ZNF674: variants seen among roughly 807,000 people sequenced by gnomAD.
ZNF674 encodes zinc finger family member 674.
A neutral mutation model predicts 7.0 loss-of-function variants in ZNF674; 2 were observed. The ratio of observed to expected loss-of-function variants is 0.29; its 90% CI spans 0.12 to 0.90. ZNF674 has a LOEUF of 0.90. Ranked by LOEUF, ZNF674 falls within the 40% of genes least tolerant of loss-of-function variation. The probability of loss-of-function intolerance (pLI) is 0.57; values close to 1 mark genes in which losing one functional copy is unlikely to be tolerated. For missense variants in ZNF674, 297 were observed against 415.5 expected, an observed-to-expected ratio of 0.71 and a Z score of 2.48; for synonymous variants, 103 against 145.2, an observed-to-expected ratio of 0.71 and a Z score of 2.09.
chrX:46,527,930 AG>A (rs1942039031), intron 5 of ZNF674: 1 of 147,793 alleles, frequency 6.8e-6, no homozygotes, highest in Admixed American at 7.9e-5. Context: ...TCAGCCTGAA[AG>A]GGCCCACAGT....
chrX:46,543,109 C>T (rs1295419021), intron 2 of ZNF674, among the ~76,000 whole-genome samples: 1 of 110,836 alleles, frequency 9.0e-6, no homozygotes, highest in African/African-American at 3.3e-5. Context: ...CACCAACATG[C>T]CCAGCTAATT....
intron 3 of ZNF674, among the ~76,000 whole-genome samples, chrX:46,541,091 G>C (rs1332186305): frequency 6.7e-5 from 7 of 104,296 alleles, no homozygotes; most frequent in Admixed American, 4.2e-4. Flanking sequence ...GCCAGGCACG[G>C]TGGCTCACAC....
rs1408751060 is a variant in ZNF674 at position 46,500,607 on chromosome X, T to C, written c.967A>G (p.Lys323Glu). ...KSSYHLIRHEKTHIRQAFYKG... is the reference protein window; with the variant it reads ...KSSYHLIRHEETHIRQAFYKG... ...TAAAATGCTTGTCTAATGTGTGTTT[T>C]TTCATGTCTAATAAGATGATATGAA... Residue 323 changes from lysine to glutamate, a missense_variant, in exon 6 of 6, where the codon AAA (lysine) becomes GAA (glutamate). Physicochemically the swap from Lys to Glu is moderately conservative, Grantham distance 56. Coordinates refer to ENST00000683375, the MANE Select transcript of ZNF674 (RefSeq NM_001190417.2). 8.3e-6 allele frequency: 10 copies of C among 1,211,646 alleles called. No homozygotes were observed. In the East Asian group the frequency reaches 2.7e-4, roughly 32 times the overall value.
Position 46,543,734 on chromosome X carries a change from T to G in ZNF674, c.-30+767A>C, listed in dbSNP as rs770274562. Reference sequence around the variant, plus strand: ...GGAGATTCTGTGCAGAGTAACCATTTCATACTGCAGCAATCACTGTGATAC... The same window carrying G: ...GGAGATTCTGTGCAGAGTAACCATTGCATACTGCAGCAATCACTGTGATAC... On this transcript the variant is annotated intron_variant, in intron 2 of 5. Coordinates refer to ENST00000683375, the MANE Select transcript of ZNF674 (RefSeq NM_001190417.2). Among the ~76,000 whole-genome samples the G allele has an allele frequency of 3.6e-5, 4 of 112,302 alleles. No individual in the cohort carries two copies. The South Asian group carries it at 1.5e-3, about 41-fold the overall frequency.
intron 5 of ZNF674, among the ~76,000 whole-genome samples, chrX:46,514,462 G>A (rs764078372): frequency 2.7e-5 from 3 of 111,415 alleles, no homozygotes; most frequent in African/African-American, 9.8e-5. Context: ...TAGAAAGAGG[G>A]CTTTTTGCTA....
At chrX:46,533,832 AT>A in intron 3 of ZNF674, among the ~76,000 whole-genome samples, 3 of 50,166 alleles carry the variant, frequency 6.0e-5, no homozygotes, top group Admixed American at 2.4e-4. Context: ...AAAAAAAAAT[AT>A]ATATATATAT....
At chrX:46,521,222 A>AG (rs1226487559) in intron 5 of ZNF674, among the ~76,000 whole-genome samples, 64 of 107,841 alleles carry the variant, frequency 5.9e-4, no homozygotes, top group East Asian at 3.2e-3. Flanking sequence ...AAAAAAAAAA[A>AG]AGACAATCTA....
At chrX:46,532,943 G>T (rs1265977648) in intron 3 of ZNF674, among the ~76,000 whole-genome samples, 1 of 111,957 alleles carries the variant, frequency 8.9e-6, no homozygotes, top group East Asian at 2.8e-4. Flanking sequence ...ATCCTGGGCC[G>T]CATGTGGCTC....
chrX:46,504,083 C>T (rs1244610248), intron 5 of ZNF674, among the ~76,000 whole-genome samples: 5 of 111,045 alleles, frequency 4.5e-5, no homozygotes, highest in African/African-American at 9.8e-5. Flanking sequence ...CATATACACA[C>T]ATACACACAC....
intron 3 of ZNF674, among the ~76,000 whole-genome samples, chrX:46,540,243 CAA>C (rs1192310748): frequency 1.3e-5 from 1 of 79,914 alleles, no homozygotes. Flanking sequence ...GACTCTGTCT[CAA>C]AAAAAAAAAA....
intron 5 of ZNF674, among the ~76,000 whole-genome samples, chrX:46,516,281 C>T (rs1056399385): frequency 5.4e-5 from 6 of 111,802 alleles, no homozygotes; most frequent in Admixed American, 3.8e-4. Context: ...AGGAAGACTA[C>T]GGAGGTGAGC....
At chrX:46,505,134 C>T (rs1026177095) in intron 5 of ZNF674, among the ~76,000 whole-genome samples, 1 of 110,826 alleles carries the variant, frequency 9.0e-6, no homozygotes, top group Non-Finnish European at 1.9e-5. Context: ...GTGATATGAC[C>T]GCCTCGGCCT....
intron 5 of ZNF674, among the ~76,000 whole-genome samples, chrX:46,521,151 G>A (rs771663743): frequency 9.9e-6 from 1 of 100,671 alleles, no homozygotes; most frequent in South Asian, 5.0e-4. Flanking sequence ...GTTGCAGTGA[G>A]CCAAGATCAC....
chrX:46,504,920 C>T (rs1054221228), intron 5 of ZNF674, among the ~76,000 whole-genome samples: 1 of 108,979 alleles, frequency 9.2e-6, no homozygotes, highest in Non-Finnish European at 1.9e-5. Flanking sequence ...GATGGAGTCT[C>T]CCTCTGTCGC....
intron 5 of ZNF674, among the ~76,000 whole-genome samples, chrX:46,524,914 G>T (rs2146607083): frequency 9.1e-6 from 1 of 109,795 alleles, no homozygotes; most frequent in African/African-American, 3.3e-5. Context: ...GGAGGCTAAG[G>T]CAGGAAGATC....
Position 46,526,399 on chromosome X carries a change from C to T in ZNF674, c.238+1951G>A, listed in dbSNP as rs181820233. 1.5e-3 allele frequency among the ~76,000 whole-genome samples: 170 copies of T among 111,171 alleles called. 4 individuals carry two copies. In the East Asian group the frequency reaches 0.029, roughly 19 times the overall value. ...GCTCAAGCAATCCTCCCACCTCAAC[C>T]TCCCAAGTAGTGGGGAGTACAAGTG... On this transcript the variant is annotated intron_variant, in intron 5 of 5. Coordinates refer to ENST00000683375, the MANE Select transcript of ZNF674 (RefSeq NM_001190417.2).
intron 5 of ZNF674, among the ~76,000 whole-genome samples, chrX:46,513,858 G>A (rs1424633764): frequency 3.6e-5 from 4 of 111,052 alleles, no homozygotes; most frequent in African/African-American, 1.3e-4. Flanking sequence ...TTGAGTCCAG[G>A]AGTTCAAGAG....
rs566403551 is a variant in ZNF674 at position 46,529,021 on chromosome X, A to G, written c.16-112T>C. Reference sequence around the variant, plus strand: ...GTGCCCTTTGAGGTCCTTTACATGTACTAAAGATTTCAGTCTTCGCCGCCA... The same window carrying G: ...GTGCCCTTTGAGGTCCTTTACATGTGCTAAAGATTTCAGTCTTCGCCGCCA... On this transcript the variant is annotated intron_variant, in intron 3 of 5. Coordinates refer to ENST00000683375, the MANE Select transcript of ZNF674 (RefSeq NM_001190417.2). 10 of 1,175,690 alleles carry G rather than the reference A, an allele frequency of 8.5e-6. No individual in the cohort carries two copies. In the African/African-American group the frequency reaches 8.8e-5, roughly 10 times the overall value.
chrX:46,505,139 C>T (rs981973200), intron 5 of ZNF674, among the ~76,000 whole-genome samples: 4 of 111,158 alleles, frequency 3.6e-5, no homozygotes, highest in African/African-American at 9.8e-5. Context: ...ATGACCGCCT[C>T]GGCCTCCCAA....
Sources: gnomAD v4.1 joint callset for allele counts (sites outside exome capture counted in the v4.1 genomes callset) on GRCh38, gnomAD v4.1.1 for gene constraint, MANE v1.5 for transcripts, NCBI Gene and HGNC (gene_info 2026-07-23, HGNC 2026-07-21) for gene names.